Variants in EPHB2 observed in about 807,000 individuals in gnomAD.
EPHB2 encodes the protein EPH receptor B2.
A neutral mutation model predicts 96.4 loss-of-function variants in EPHB2; 18 were observed. The observed-to-expected ratio is 0.19, with a 90% CI of 0.13 to 0.28. EPHB2 has a LOEUF of 0.28. Among genes scored for constraint, EPHB2 ranks in the 10% least tolerant of loss-of-function variants. EPHB2 has a pLI of 1.00. For synonymous variants in EPHB2, 506 were observed against 534.1 expected (o/e 0.95, Z 0.72); for missense variants, 989 against 1,355.4 (o/e 0.73, Z 4.25).
At chr1:22,859,881 C>T (rs1036144576) in intron 3 of EPHB2, among the ~76,000 whole-genome samples, 39 of 152,204 alleles carry the variant, frequency 2.6e-4, no homozygotes, top group Non-Finnish European at 4.3e-4. Flanking sequence ...TTAGAACATA[C>T]TCATCACCCC....
chr1:22,783,706 G>A (rs1300327925), intron 2 of EPHB2, among the ~76,000 whole-genome samples: 1 of 152,176 alleles, frequency 6.6e-6, no homozygotes, highest in Non-Finnish European at 1.5e-5. Context: ...CCTTGCAGCG[G>A]TGAGGCTTAG....
At chr1:22,788,927 G>C (rs936838106) in intron 3 of EPHB2, among the ~76,000 whole-genome samples, 2 of 151,862 alleles carry the variant, frequency 1.3e-5, no homozygotes, top group African/African-American at 2.4e-5. Context: ...GCTAATTTTT[G>C]TATTTTTAGT....
chr1:22,801,725 C>T (rs1387348205), intron 3 of EPHB2, among the ~76,000 whole-genome samples: 2 of 152,212 alleles, frequency 1.3e-5, no homozygotes, highest in Non-Finnish European at 2.9e-5. Context: ...GCCTTGGGCT[C>T]TCCCATCCCA....
intron 7 of EPHB2, among the ~76,000 whole-genome samples, chr1:22,895,105 CAGAT>C (rs1639514246): frequency 6.6e-6 from 1 of 152,210 alleles, no homozygotes; most frequent in African/African-American, 2.4e-5. Flanking sequence ...TACTATCACA[CAGAT>C]AGTAAGTGGC....
intron 1 of EPHB2, among the ~76,000 whole-genome samples, chr1:22,716,297 TC>T (rs1643293292): frequency 6.6e-6 from 1 of 151,914 alleles, no homozygotes. Context: ...AGGCCCTACT[TC>T]CTCAAGGCTC....
chr1:22,860,909 G>A lies in EPHB2; in HGVS notation c.812-2128G>A, dbSNP rs949636524. ...TTCATCCAGCCATCAGGGAAAGGTC[G>A]GTGCCCAAGAGGAAGGCGAGAGGGA... On this transcript the variant is annotated intron_variant, in intron 3 of 15. Coordinates refer to ENST00000374630, the MANE Select transcript of EPHB2 (RefSeq NM_017449.5). This position sits in a 1 kb window ranked among gnomAD's most constrained non-coding sequence, Gnocchi z 4.6. 1.6e-4 allele frequency among the ~76,000 whole-genome samples: 25 copies of A among 152,210 alleles called. 1 individual carries two copies. The highest frequency in any genetic ancestry group is 4.6e-4 in the African/African-American group (19 of 41,534).
intron 3 of EPHB2, among the ~76,000 whole-genome samples, chr1:22,802,488 C>G (rs1644859104): frequency 6.6e-6 from 1 of 152,140 alleles, no homozygotes; most frequent in Admixed American, 6.5e-5. Context: ...CTTGGCAGGG[C>G]CACCAGTCTA....
intron 3 of EPHB2, among the ~76,000 whole-genome samples, chr1:22,788,816 G>A (rs1315394056): frequency 1.3e-5 from 2 of 148,260 alleles, no homozygotes; most frequent in African/African-American, 5.1e-5. Flanking sequence ...GCGTAGTGGT[G>A]CAGTCTCAAC....
At chr1:22,759,293 GCTCACC>G (rs1479256452) in intron 1 of EPHB2, among the ~76,000 whole-genome samples, 1 of 152,094 alleles carries the variant, frequency 6.6e-6, no homozygotes, top group East Asian at 1.9e-4. Flanking sequence ...GGACACTGAG[GCTCACC>G]TGTTTCCTTT....
In EPHB2 at chr1:22,825,607, TG is replaced by T. The variant is rs1395391341; in HGVS notation, c.812-37429del. Among the ~76,000 whole-genome samples the T allele has an allele frequency of 2.0e-5, 3 of 152,236 alleles. No individual in the cohort carries two copies. In the East Asian group the frequency reaches 5.8e-4, roughly 29 times the overall value. ...ACAAGATGCTCTCTGAACCCCCTCA[TG>T]CGTTGGCCAGAGTTAGAGAATAGAT... is the stretch of plus-strand genomic sequence containing the variant. On this transcript the variant is annotated intron_variant, in intron 3 of 15. Transcript: ENST00000374630.
intron 13 of EPHB2, among the ~76,000 whole-genome samples, chr1:22,909,930 G>A (rs928499928): frequency 6.6e-6 from 1 of 152,096 alleles, no homozygotes; most frequent in African/African-American, 2.4e-5. Flanking sequence ...AGGCCATGGT[G>A]TGGGCCTGAT....
At chr1:22,884,231 C>T (rs749622752) in intron 6 of EPHB2, among the ~76,000 whole-genome samples, 2 of 152,322 alleles carry the variant, frequency 1.3e-5, no homozygotes, top group East Asian at 1.9e-4. Flanking sequence ...ACTGGCTGGG[C>T]GCGGTGGCTC....
intron 5 of EPHB2, among the ~76,000 whole-genome samples, chr1:22,867,259 G>A (rs545852379): frequency 1.7e-4 from 26 of 152,286 alleles, no homozygotes; most frequent in African/African-American, 6.0e-4. Flanking sequence ...TGTTTACAAC[G>A]CATATGACTG....
intron 3 of EPHB2, among the ~76,000 whole-genome samples, chr1:22,813,928 G>C (rs112960275): frequency 5.3e-5 from 8 of 152,086 alleles, no homozygotes; most frequent in African/African-American, 1.7e-4. Flanking sequence ...TAATCCCATC[G>C]CTTTGGGAGG....
At chr1:22,896,073 C>T (rs1461978272) in intron 8 of EPHB2, among the ~76,000 whole-genome samples, 1 of 152,236 alleles carries the variant, frequency 6.6e-6, no homozygotes, top group African/African-American at 2.4e-5. Context: ...AAGAAAGATT[C>T]TCTTCTTCTT....
chr1:22,821,924 C>G (rs1328934728), intron 3 of EPHB2, among the ~76,000 whole-genome samples: 1 of 152,102 alleles, frequency 6.6e-6, no homozygotes, highest in Non-Finnish European at 1.5e-5. Flanking sequence ...ATATATTCCT[C>G]AGCATATGAG....
At chr1:22,882,934 C>T (rs1347767057) in intron 6 of EPHB2, 1 of 242,950 alleles carries the variant, frequency 4.1e-6, no homozygotes, top group Non-Finnish European at 8.2e-6. Flanking sequence ...AAAACACCCA[C>T]TTTCACTCGC....
chr1:22,750,237 GGGC>G (rs1644041096), intron 1 of EPHB2, among the ~76,000 whole-genome samples: 1 of 152,172 alleles, frequency 6.6e-6, no homozygotes, highest in South Asian at 2.1e-4. Flanking sequence ...GTTTATATTG[GGGC>G]AGCCCTACAA....
intron 3 of EPHB2, among the ~76,000 whole-genome samples, chr1:22,816,884 G>A (rs1035844168): frequency 6.6e-6 from 1 of 152,218 alleles, no homozygotes; most frequent in Non-Finnish European, 1.5e-5. Context: ...TCCTGGCCAG[G>A]ACGTCGACCA....
Sources: allele counts gnomAD v4.1 joint callset (sites outside exome capture counted in the v4.1 genomes callset), GRCh38; gene constraint gnomAD v4.1.1; non-coding constraint Gnocchi (gnomAD v3.1); transcripts MANE v1.5; gene names NCBI Gene and HGNC (gene_info 2026-07-23, HGNC 2026-07-21).